Variants in NEB observed in about 807,000 individuals in gnomAD.
The protein encoded by NEB is nemaline myopathy type 2.
A neutral mutation model predicts 952.2 loss-of-function variants in NEB; 512 were observed. The ratio of observed to expected loss-of-function variants is 0.54; its 90% CI spans 0.50 to 0.58. NEB has a LOEUF of 0.58. Ranked by LOEUF, NEB falls within the 20% of genes least tolerant of loss-of-function variation. The pLI is 0.00. For synonymous variants in NEB, 2,900 were observed against 3,149.8 expected, an observed-to-expected ratio of 0.92 and a Z score of 2.66; for missense variants, 8,428 against 9,231.1, an observed-to-expected ratio of 0.91 and a Z score of 3.56.
intron 137 of NEB, 93 bp downstream of exon 137, chr2:151,540,604 G>A (rs2153568661): frequency 9.1e-6 from 11 of 1,209,134 alleles, no homozygotes; most frequent in South Asian, 1.3e-5. Flanking sequence ...ACCATTTATA[G>A]TAATGAGCTC....
chr2:151,500,383 A>C (rs2063491054), intron 168 of NEB, among the ~76,000 whole-genome samples: 1 of 151,902 alleles, frequency 6.6e-6, no homozygotes, highest in African/African-American at 2.4e-5. Flanking sequence ...GTATAAGTGA[A>C]CCTAAGGTCT....
At chr2:151,496,494 G>A (rs1018680635) in intron 172 of NEB, 126 bp from the exon 173 acceptor site, 1 of 1,451,714 alleles carries the variant, frequency 6.9e-7, no homozygotes, top group African/African-American at 1.4e-5. Context: ...GAAGTTATAT[G>A]CTGACAAAAT....
intron 73 of NEB, among the ~76,000 whole-genome samples, 189 bp downstream of exon 73, chr2:151,619,262 C>T (rs1376435503): frequency 1.3e-5 from 2 of 152,192 alleles, no homozygotes; most frequent in Non-Finnish European, 2.9e-5. Flanking sequence ...ACTTTGTTTC[C>T]TCTCCTACAG....
rs1282060717 is a variant in NEB at position 151,677,607 on chromosome 2, T to C, written c.3732A>G (p.Pro1244=). The change falls in exon 34 of 182, where the codon CCA becomes CCG. Residue 1244 remains proline, a synonymous_variant. Coordinates refer to ENST00000397345, the MANE Select transcript of NEB (RefSeq NM_001164508.2). ...TLKFTSIVDS[P]VMVQAKQNTK... ...TGTTCTGTTTTGCCTGGACCATAAC[T>C]GGGGAGTCCACAATGCTGGTAAATT... is the stretch of plus-strand genomic sequence containing the variant. The C allele has an allele frequency of 1.2e-6, 2 of 1,613,964 alleles. No individual in the cohort carries two copies. Among genetic ancestry groups the C allele is most frequent in the Non-Finnish European group, 1.7e-6 (2 of 1,179,864 alleles).
chr2:151,520,702 A>G (rs1255007272), intron 153 of NEB, among the ~76,000 whole-genome samples: 1 of 152,054 alleles, frequency 6.6e-6, no homozygotes, highest in Non-Finnish European at 1.5e-5. Flanking sequence ...CATCTCCACT[A>G]AAAATACAAA....
intron 147 of NEB, 56 bp downstream of exon 147, chr2:151,527,425 T>C (rs865900621): frequency 1.6e-6 from 2 of 1,216,740 alleles, no homozygotes; most frequent in African/African-American, 3.0e-5. Flanking sequence ...TAATTATTCA[T>C]TGTATTTCTC....
rs188425912 is a variant in NEB, at chr2:151,685,489, C to A, written c.2638-514G>T. On this transcript the variant is annotated intron_variant, in intron 27 of 181. Coordinates refer to ENST00000397345, the MANE Select transcript of NEB (RefSeq NM_001164508.2). ...TTAACCTGTTATTGACAGGAGATAA[C>A]CCCACTGAGAATCTCAAAGGTTGTT... Among the ~76,000 whole-genome samples, 4 of 152,176 alleles carry A rather than the reference C, an allele frequency of 2.6e-5. No homozygotes were observed. The South Asian group carries it at 8.3e-4, about 32-fold the overall frequency.
Position 151,485,907 on chromosome 2 carries a change from A to G in NEB, c.25431T>C (p.Tyr8477=), listed in dbSNP as rs1407162161. The change falls in exon 182 of 182, where the codon TAT becomes TAC. Residue 8477 remains tyrosine (Y), a synonymous_variant. Coordinates refer to ENST00000397345, the MANE Select transcript of NEB (RefSeq NM_001164508.2). ...ACACCTCATCTGCATCAGCAGCCATATAGTCATACATGGCACGGAAGATTT... is the reference window on the plus strand; with the variant it reads ...ACACCTCATCTGCATCAGCAGCCATGTAGTCATACATGGCACGGAAGATTT... ...AGKIFRAMYD[Y]MAADADEVSF... 1.9e-6 allele frequency: 3 copies of G among 1,613,886 alleles called. No individual in the cohort carries two copies. The highest frequency in any genetic ancestry group is 1.7e-5 in the Admixed American group (1 of 60,024).
intron 138 of NEB, among the ~76,000 whole-genome samples, chr2:151,539,913 T>C (rs2093796699): frequency 6.6e-6 from 1 of 152,194 alleles, no homozygotes. Flanking sequence ...TATTTAATTA[T>C]CACAATTCTC....
chr2:151,733,123 C>T lies in NEB; in HGVS notation c.34G>A (p.Glu12Lys). ...AGTGTTTTTTTTTTAAATCTTACCT[C>T]CACCACCTCCTCATAGTCTTCGTCA... ...ADDEDYEEVV[E>K]YYTEEVVYEE... Residue 12 changes from glutamate to lysine, a missense_variant and splice_region_variant, in exon 3 of 182, where the codon GAG (glutamate) becomes AAG (lysine). Glu to Lys is a moderately conservative substitution (Grantham distance 56). Transcript: ENST00000397345. 6.2e-7 allele frequency: 1 copy of T among 1,602,564 alleles called. No individual in the cohort carries two copies. Among genetic ancestry groups the T allele is most frequent in the East Asian group, 2.2e-5 (1 of 44,668 alleles).
rs2153458580 is a variant in NEB at position 151,526,924 on chromosome 2, T to C, written c.21939A>G (p.Glu7313=). 20 of 1,587,560 alleles carry C rather than the reference T, an allele frequency of 1.3e-5. No homozygotes were observed. Among genetic ancestry groups the C allele is most frequent in the Non-Finnish European group, 1.7e-5 (20 of 1,164,022 alleles). ...GAAGGAACTAGGTACTTACATCACT[T>C]TCTATTAAAGTATTCCTGAGGGCGA... is the stretch of plus-strand genomic sequence containing the variant. The part of the protein sequence containing the change: ...TVLALRNTLI[E]SDLKYKEKHV... Residue 7313 remains glutamate (E), a synonymous_variant, in exon 148 of 182, where the codon GAA becomes GAG. Coordinates refer to ENST00000397345, the MANE Select transcript of NEB (RefSeq NM_001164508.2).
In NEB at chr2:151,498,242, CCTTT is replaced by C. The variant is rs1367661109; in HGVS notation, c.24207+14_24207+17del. The C allele has an allele frequency of 3.9e-6, 6 of 1,550,588 alleles. No individual in the cohort carries two copies. Among genetic ancestry groups the C allele is most frequent in the Middle Eastern group, 1.7e-4 (1 of 6,002 alleles). ...TCTGAAGTTAAGTGGCATTTTTTCC[CCTTT>C]CTTTCCAAAATACCGAGCTAAGGTT... On this transcript the variant is annotated intron_variant, in intron 170 of 181. Transcript: ENST00000397345.
chr2:151,697,992 G>A (rs1435711897), intron 13 of NEB, among the ~76,000 whole-genome samples: 2 of 152,178 alleles, frequency 1.3e-5, no homozygotes, highest in Non-Finnish European at 2.9e-5. Context: ...CTTGAACCCG[G>A]GAGGCGGAGG....
rs764538619 is a variant in NEB, at chr2:151,639,886, C to A, written c.8860G>T (p.Ala2954Ser). ...SVTDSLEQVL[A>S]KNNAITMNKR... is the part of the protein sequence containing the mutation. ...TTCATAGTGATGGCATTATTTTTGGCCAACACTTGTTCCAGAGAGTCAGTC... is the reference window on the plus strand; with the variant it reads ...TTCATAGTGATGGCATTATTTTTGGACAACACTTGTTCCAGAGAGTCAGTC... The change falls in exon 62 of 182, where the codon GCC becomes TCC. Residue 2954 changes from alanine (A) to serine (S), a missense_variant. Transcript: ENST00000397345. 1.9e-5 allele frequency: 30 copies of A among 1,613,514 alleles called. No individual in the cohort carries two copies. The Admixed American group carries it at 4.8e-4, about 26-fold the overall frequency.
intron 76 of NEB, 62 bp downstream of exon 76, chr2:151,615,940 T>C (rs919356676): frequency 2.2e-5 from 28 of 1,286,932 alleles, no homozygotes; most frequent in Non-Finnish European, 2.8e-5. Context: ...AGAAAAACTC[T>C]AAAAGCTTCT....
intron 168 of NEB, among the ~76,000 whole-genome samples, chr2:151,500,771 C>CTAT (rs2063862428): frequency 6.6e-6 from 1 of 151,700 alleles, no homozygotes. Context: ...CTAATTTTTT[C>CTAT]TATTTTTAGC....
chr2:151,624,250 T>G (rs748458332), intron 71 of NEB, among the ~76,000 whole-genome samples: 28 of 152,104 alleles, frequency 1.8e-4, no homozygotes, highest in Non-Finnish European at 3.5e-4. Context: ...CTTCAATGCA[T>G]GATCATGCAA....
chr2:151,621,332 A>G (rs1169392002), intron 71 of NEB, among the ~76,000 whole-genome samples: 1 of 152,222 alleles, frequency 6.6e-6, no homozygotes, highest in Non-Finnish European at 1.5e-5. Context: ...TGAAACAATC[A>G]AGAAATGTTG....
In NEB at chr2:151,678,518, A is replaced by T. The variant is rs539274148; in HGVS notation, c.3256-331T>A. On this transcript the variant is annotated intron_variant, in intron 32 of 181. Coordinates refer to ENST00000397345, the MANE Select transcript of NEB (RefSeq NM_001164508.2). ...TTGGTAGAGAAAAATGAAAAGATAA[A>T]TATGTCACAATCTCTACCAATTACA... Among the ~76,000 whole-genome samples the T allele has an allele frequency of 1.1e-3, 164 of 152,368 alleles. 2 individuals carry two copies. The highest frequency in any genetic ancestry group is 3.4e-3 in the African/African-American group (142 of 41,592).
Sources: gnomAD v4.1 joint callset for allele counts (sites outside exome capture counted in the v4.1 genomes callset) on GRCh38, gnomAD v4.1.1 for gene constraint, MANE v1.5 for transcripts, NCBI Gene and HGNC (gene_info 2026-07-23, HGNC 2026-07-21) for gene names.